FBXL17: variants seen among roughly 807,000 people sequenced by gnomAD.
The protein encoded by FBXL17 is F-box and leucine rich repeat protein 17, also known as F-box/LRR-repeat protein 17.
FBXL17 carries 22 observed loss-of-function variants against 66.2 expected under a neutral mutation model. The observed-to-expected ratio is 0.33, with a 90% CI of 0.24 to 0.47. The LOEUF (loss-of-function observed/expected upper bound fraction) is 0.47. Ranked by LOEUF, FBXL17 falls within the 20% of genes least tolerant of loss-of-function variation. The pLI is 1.00. For synonymous variants in FBXL17, 474 were observed against 400.5 expected (o/e 1.18, Z -2.19); for missense variants, 878 against 948.2 (o/e 0.93, Z 0.97).
chr5:108,301,747 G>C (rs1301630090), intron 4 of FBXL17, among the ~76,000 whole-genome samples: 3 of 151,634 alleles, frequency 2.0e-5, no homozygotes, highest in African/African-American at 7.3e-5. Context: ...TCCACCAAGA[G>C]ACAGGATTTT....
chr5:108,087,489 T>C (rs1749017592), intron 6 of FBXL17, among the ~76,000 whole-genome samples: 3 of 152,106 alleles, frequency 2.0e-5, no homozygotes, highest in African/African-American at 7.2e-5. Context: ...CCTGTTGGGT[T>C]GGCCAACACA....
chr5:107,883,612 C>A (rs76620532), intron 7 of FBXL17, among the ~76,000 whole-genome samples: 1,754 of 152,240 alleles, frequency 0.012, 39 homozygotes, highest in African/African-American at 0.039. Flanking sequence ...GAACTGATCA[C>A]CCTAGCATTT....
chr5:108,292,547 CTTT>C (rs1333083337), intron 4 of FBXL17, among the ~76,000 whole-genome samples: 1 of 152,096 alleles, frequency 6.6e-6, no homozygotes, highest in Non-Finnish European at 1.5e-5. Context: ...AAAATCCCTT[CTTT>C]ATTTTCTATT....
chr5:108,011,956 T>C (rs10070525), intron 7 of FBXL17, among the ~76,000 whole-genome samples: 1 of 151,984 alleles, frequency 6.6e-6, no homozygotes, highest in Non-Finnish European at 1.5e-5. Flanking sequence ...ATAGTAAAAT[T>C]ATGTATCTCT....
chr5:107,974,269 G>A lies in FBXL17; in HGVS notation c.1822+46656C>T, dbSNP rs949585219. On this transcript the variant is annotated intron_variant, in intron 7 of 8. Transcript: ENST00000542267. Reference sequence around the variant, plus strand: ...GTGACTGTGATAGTCAACAACGTACGTACTGAGTAACTGCATAGAGAGGAA... The same window carrying A: ...GTGACTGTGATAGTCAACAACGTACATACTGAGTAACTGCATAGAGAGGAA... Among the ~76,000 whole-genome samples the A allele has an allele frequency of 4.6e-5, 7 of 152,200 alleles. No individual in the cohort carries two copies. The East Asian group carries it at 5.8e-4, about 13-fold the overall frequency.
intron 4 of FBXL17, among the ~76,000 whole-genome samples, chr5:108,321,153 A>T (rs1407850929): frequency 6.6e-6 from 1 of 151,868 alleles, no homozygotes; most frequent in East Asian, 1.9e-4. Context: ...TACTACTATT[A>T]CCTATTATAT....
intron 4 of FBXL17, among the ~76,000 whole-genome samples, chr5:108,256,226 T>C (rs1756572188): frequency 1.3e-5 from 2 of 152,154 alleles, no homozygotes; most frequent in Non-Finnish European, 2.9e-5. Flanking sequence ...GCCTAGCACA[T>C]TGCAGACATT....
Position 107,933,725 on chromosome 5 carries a change from A to G in FBXL17, c.1823-52546T>C, listed in dbSNP as rs146431112. Among the ~76,000 whole-genome samples the G allele has an allele frequency of 7.9e-4, 120 of 152,190 alleles. 1 individual carries two copies. The East Asian group carries it at 0.022, about 28-fold the overall frequency. On this transcript the variant is annotated intron_variant, in intron 7 of 8. Transcript: ENST00000542267. The stretch of plus-strand genomic sequence containing the variant: ...CTTGGCTTGCCATTCCTCCTTTTGC[A>G]AAGTGTGAGGTAGTGTTAGGAATTT...
chr5:108,197,317 T>C (rs1561459281), intron 5 of FBXL17, among the ~76,000 whole-genome samples: 1 of 152,090 alleles, frequency 6.6e-6, no homozygotes, highest in East Asian at 1.9e-4. Context: ...AAATTAAGGG[T>C]AAATTAAGTC....
chr5:108,323,363 A>T (rs540534447), intron 4 of FBXL17, among the ~76,000 whole-genome samples: 11 of 152,002 alleles, frequency 7.2e-5, no homozygotes, highest in African/African-American at 2.6e-4. Flanking sequence ...AGTAGCATCA[A>T]AAGGGGTAAA....
intron 7 of FBXL17, among the ~76,000 whole-genome samples, chr5:107,995,930 T>C (rs888942927): frequency 2.6e-5 from 4 of 152,194 alleles, no homozygotes; most frequent in African/African-American, 9.7e-5. Flanking sequence ...CTGTAGTTGA[T>C]GAAACACAGT....
intron 7 of FBXL17, among the ~76,000 whole-genome samples, chr5:108,017,175 G>A (rs1401555126): frequency 6.6e-6 from 1 of 152,102 alleles, no homozygotes; most frequent in Non-Finnish European, 1.5e-5. Flanking sequence ...AAGCACAAGG[G>A]GAGCAATGAG....
intron 6 of FBXL17, among the ~76,000 whole-genome samples, chr5:108,040,004 A>T (rs1046240931): frequency 1.3e-5 from 2 of 152,198 alleles, no homozygotes; most frequent in African/African-American, 2.4e-5. Context: ...ACAAAATAGA[A>T]AAGTTTATAT....
intron 8 of FBXL17, among the ~76,000 whole-genome samples, chr5:107,869,640 C>T (rs1748385284): frequency 6.6e-6 from 1 of 151,640 alleles, no homozygotes; most frequent in Non-Finnish European, 1.5e-5. Context: ...ATCTCTCTCC[C>T]TTTGCAGCAG....
At chr5:108,342,039 A>G (rs1438096642) in intron 4 of FBXL17, among the ~76,000 whole-genome samples, 6 of 152,154 alleles carry the variant, frequency 3.9e-5, no homozygotes, top group African/African-American at 4.8e-5. Flanking sequence ...CTTTGGCAGT[A>G]TAACTCTTGT....
intron 6 of FBXL17, among the ~76,000 whole-genome samples, chr5:108,095,998 T>A (rs933581544): frequency 2.6e-5 from 4 of 152,190 alleles, no homozygotes; most frequent in African/African-American, 9.6e-5. Context: ...CTGCTCTAAA[T>A]CTGTTTAAAC....
chr5:108,127,726 T>G (rs1158199037), intron 6 of FBXL17, among the ~76,000 whole-genome samples: 2 of 152,110 alleles, frequency 1.3e-5, no homozygotes, highest in African/African-American at 4.8e-5. Flanking sequence ...AAGCATAATT[T>G]TAAACATTAA....
chr5:108,030,421 G>C lies in FBXL17; in HGVS notation c.1746-9420C>G, dbSNP rs1180204806. Among the ~76,000 whole-genome samples the C allele has an allele frequency of 2.0e-5, 3 of 152,118 alleles. No individual in the cohort carries two copies. The East Asian group carries it at 5.8e-4, about 29-fold the overall frequency. On this transcript the variant is annotated intron_variant, in intron 6 of 8. Transcript: ENST00000542267. ...AAGGAGAAGGCACATTTCACTATTT[G>C]TTTCAGACAGTGGGTACCTCTGCAG...
intron 6 of FBXL17, among the ~76,000 whole-genome samples, chr5:108,168,520 T>C (rs1410772112): frequency 2.0e-5 from 3 of 152,210 alleles, no homozygotes; most frequent in African/African-American, 4.8e-5. Flanking sequence ...ATAACCCATA[T>C]GTAGACTTTC....
Sources: gnomAD v4.1 joint callset for allele counts (sites outside exome capture counted in the v4.1 genomes callset) on GRCh38, gnomAD v4.1.1 for gene constraint, MANE v1.5 for transcripts, NCBI Gene and HGNC (gene_info 2026-07-23, HGNC 2026-07-21) for gene names.